Variants in SOX5 observed in about 807,000 individuals in gnomAD.
SOX5 encodes SRY-box transcription factor 5.
A neutral mutation model predicts 92.0 loss-of-function variants in SOX5; 9 were observed. The observed-to-expected ratio is 0.10, with a 90% CI of 0.06 to 0.17. The LOEUF (loss-of-function observed/expected upper bound fraction) is 0.17, where lower values mean the gene tolerates loss of function less well. SOX5 is among the 10% of genes least tolerant of loss of function. The pLI, the probability that SOX5 is intolerant of heterozygous loss-of-function variation, is 1.00. For missense variants in SOX5, 642 were observed against 944.5 expected, an observed-to-expected ratio of 0.68 and a Z score of 4.20; for synonymous variants, 344 against 336.3, an observed-to-expected ratio of 1.02 and a Z score of -0.25.
At chr12:23,798,111 A>T (rs1413920643) in intron 3 of SOX5, among the ~76,000 whole-genome samples, 1 of 151,532 alleles carries the variant, frequency 6.6e-6, no homozygotes, top group Non-Finnish European at 1.5e-5. Context: ...TATTTTTCCT[A>T]TATTGCTTAT....
chr12:24,110,862 C>G (rs1186298795), intron 4 of SOX5, among the ~76,000 whole-genome samples: 2 of 126,558 alleles, frequency 1.6e-5, no homozygotes, highest in East Asian at 4.9e-4. Flanking sequence ...GATCGTGCCA[C>G]TGTACTCCAG....
At chr12:24,002,123 A>T (rs1289673153) in intron 4 of SOX5, among the ~76,000 whole-genome samples, 2 of 152,120 alleles carry the variant, frequency 1.3e-5, no homozygotes, top group African/African-American at 4.8e-5. Flanking sequence ...CAAATCAATG[A>T]CTTCAGTTTG....
chr12:24,554,108 A>G (rs1953505173), intron 1 of SOX5, among the ~76,000 whole-genome samples: 1 of 152,250 alleles, frequency 6.6e-6, no homozygotes, highest in South Asian at 2.1e-4. Context: ...GTGCACAGGA[A>G]TATCAAGCAT....
intron 1 of SOX5, among the ~76,000 whole-genome samples, chr12:24,556,950 G>C (rs78238661): frequency 0.015 from 2,344 of 152,242 alleles, 62 homozygotes; most frequent in African/African-American, 0.054. Context: ...TCAGAACCTA[G>C]ACTCGACTGG....
intron 4 of SOX5, among the ~76,000 whole-genome samples, chr12:24,035,981 A>C (rs953742099): frequency 6.6e-6 from 1 of 152,116 alleles, no homozygotes. Context: ...GATCTTTTGT[A>C]AGGTGTGTGG....
chr12:24,496,896 C>T (rs1597317872), intron 1 of SOX5, among the ~76,000 whole-genome samples: 1 of 152,126 alleles, frequency 6.6e-6, no homozygotes, highest in Admixed American at 6.5e-5. Context: ...CTGGCTTCTT[C>T]CCAAGAACAA....
At chr12:23,871,586 G>A (rs974939446) in intron 2 of SOX5, among the ~76,000 whole-genome samples, 9 of 151,472 alleles carry the variant, frequency 5.9e-5, no homozygotes, top group Non-Finnish European at 1.2e-4. Context: ...TTACTACCAG[G>A]GTTACATCAT....
intron 6 of SOX5, among the ~76,000 whole-genome samples, chr12:23,672,092 A>C (rs566264888): frequency 1.2e-4 from 19 of 152,256 alleles, no homozygotes; most frequent in East Asian, 5.8e-4. Context: ...CAAAACAAAA[A>C]AAAAAGGAGT....
chr12:24,131,945 G>C (rs1246812360), intron 4 of SOX5, among the ~76,000 whole-genome samples: 1 of 151,912 alleles, frequency 6.6e-6, no homozygotes, highest in Non-Finnish European at 1.5e-5. Flanking sequence ...CTCATGTCAG[G>C]GGCTAATTCA....
intron 3 of SOX5, among the ~76,000 whole-genome samples, chr12:23,772,534 GA>G (rs1314505347): frequency 7.2e-5 from 11 of 152,296 alleles, no homozygotes; most frequent in African/African-American, 2.6e-4. Flanking sequence ...AATGCGCAAT[GA>G]AAACCTTTTA....
chr12:24,280,540 AT>A (rs1945045837), intron 2 of SOX5, among the ~76,000 whole-genome samples: 2 of 152,206 alleles, frequency 1.3e-5, no homozygotes. Context: ...CTGGATAAAA[AT>A]TCCTAAGAGG....
intron 3 of SOX5, among the ~76,000 whole-genome samples, chr12:23,787,607 T>G (rs570151343): frequency 6.6e-5 from 10 of 152,040 alleles, no homozygotes; most frequent in African/African-American, 2.2e-4. Flanking sequence ...TAACACCCAT[T>G]GCTAACATAG....
rs377476842 is a variant in SOX5, at chr12:23,770,906, A to C, written c.482-15182T>G. On this transcript the variant is annotated intron_variant, in intron 3 of 14. Transcript: ENST00000451604. Reference sequence around the variant, plus strand: ...GCAGAGAAGGTGGGGTGCTTGTTTTATAAAGCTAAATACATAACAGGTTTA... The same window carrying C: ...GCAGAGAAGGTGGGGTGCTTGTTTTCTAAAGCTAAATACATAACAGGTTTA... 3.3e-5 allele frequency among the ~76,000 whole-genome samples: 5 copies of C among 149,370 alleles called. No individual in the cohort carries two copies. In the South Asian group the frequency reaches 6.5e-4, roughly 19 times the overall value.
chr12:23,547,565 C>T (rs1354276322), intron 11 of SOX5, among the ~76,000 whole-genome samples: 1 of 152,006 alleles, frequency 6.6e-6, no homozygotes, highest in Non-Finnish European at 1.5e-5. Context: ...ATTCTTAACA[C>T]AGTACATGCT....
intron 2 of SOX5, among the ~76,000 whole-genome samples, chr12:24,297,704 G>A (rs887971976): frequency 3.3e-5 from 5 of 152,160 alleles, no homozygotes; most frequent in Non-Finnish European, 5.9e-5. Flanking sequence ...CTATGGAAAC[G>A]CAGCATCTGT....
intron 4 of SOX5, among the ~76,000 whole-genome samples, chr12:24,014,282 C>T (rs1264938050): frequency 6.6e-6 from 1 of 152,124 alleles, no homozygotes; most frequent in Non-Finnish European, 1.5e-5. Flanking sequence ...TCACATATAA[C>T]CTTCCTGGAT....
chr12:24,091,094 G>C (rs961233016), intron 4 of SOX5, among the ~76,000 whole-genome samples: 1 of 151,954 alleles, frequency 6.6e-6, no homozygotes, highest in Non-Finnish European at 1.5e-5. Context: ...TTCTATGTTC[G>C]CCAATTCAAA....
chr12:24,039,715 C>T (rs896443512), intron 4 of SOX5, among the ~76,000 whole-genome samples: 3 of 152,118 alleles, frequency 2.0e-5, no homozygotes, highest in African/African-American at 7.2e-5. Flanking sequence ...TATACATATT[C>T]ATTTTCCCTA....
intron 2 of SOX5, among the ~76,000 whole-genome samples, chr12:23,854,886 G>A (rs893978560): frequency 6.6e-6 from 1 of 152,030 alleles, no homozygotes; most frequent in African/African-American, 2.4e-5. Flanking sequence ...AATATAATGA[G>A]TTATATGAGC....
Sources: allele counts gnomAD v4.1 joint callset (sites outside exome capture counted in the v4.1 genomes callset), GRCh38; gene constraint gnomAD v4.1.1; transcripts MANE v1.5; gene names NCBI Gene and HGNC (gene_info 2026-07-23, HGNC 2026-07-21).